Variants in RPTOR observed in about 807,000 individuals in gnomAD.
RPTOR encodes regulatory associated protein of MTOR complex 1, also known as regulatory-associated protein of mTOR.
Under a neutral mutation model 169.9 loss-of-function variants are expected in RPTOR, and 21 were observed. The observed-to-expected ratio is 0.12, with a 90% CI of 0.09 to 0.18. The LOEUF is 0.18. Among genes scored for constraint, RPTOR ranks in the 10% least tolerant of loss-of-function variants. The probability of loss-of-function intolerance (pLI) is 1.00; values close to 1 mark genes in which losing one functional copy is unlikely to be tolerated. For synonymous variants in RPTOR, 732 were observed against 753.2 expected (o/e 0.97, Z 0.46); for missense variants, 1,133 against 1,855.9 (o/e 0.61, Z 7.16).
Position 80,871,302 on chromosome 17 carries a change from A to G in RPTOR, c.1510-9113A>G, listed in dbSNP as rs536991961. ...TTTGTATTTTGTTTAGTAGAGACGC[A>G]GTTTCACCATGTTAGTCAGGATGGT... is the stretch of plus-strand genomic sequence containing the variant. On this transcript the variant is annotated intron_variant, in intron 13 of 33. Transcript: ENST00000306801. 1.1e-4 allele frequency among the ~76,000 whole-genome samples: 17 copies of G among 152,198 alleles called. 1 individual carries two copies. In the South Asian group the frequency reaches 3.5e-3, roughly 32 times the overall value.
chr17:80,834,618 C>T (rs1165107290), intron 9 of RPTOR, among the ~76,000 whole-genome samples: 7 of 152,240 alleles, frequency 4.6e-5, no homozygotes, highest in African/African-American at 1.7e-4. Context: ...ACTGCAGCAA[C>T]ATGGGTCACG....
intron 6 of RPTOR, among the ~76,000 whole-genome samples, chr17:80,775,687 T>A (rs1235003835): frequency 6.6e-6 from 1 of 152,186 alleles, no homozygotes; most frequent in East Asian, 1.9e-4. Context: ...GAAATAGCCA[T>A]CATTGTAAGA....
At chr17:80,929,132 A>G (rs977599262) in intron 24 of RPTOR, among the ~76,000 whole-genome samples, 1 of 152,250 alleles carries the variant, frequency 6.6e-6, no homozygotes, top group Admixed American at 6.5e-5. Context: ...GAGTTAATTT[A>G]AAATGATGGA....
At chr17:80,937,770 T>C (rs1221843258) in intron 24 of RPTOR, among the ~76,000 whole-genome samples, 1 of 152,236 alleles carries the variant, frequency 6.6e-6, no homozygotes, top group Non-Finnish European at 1.5e-5. Context: ...GCCTCCGTGC[T>C]GAGCGGCGGT....
intron 3 of RPTOR, among the ~76,000 whole-genome samples, chr17:80,674,047 C>T (rs533807731): frequency 6.6e-6 from 1 of 152,248 alleles, no homozygotes; most frequent in African/African-American, 2.4e-5. Context: ...TGGTGCATTG[C>T]CCCCATCAAC....
At chr17:80,566,893 A>T (rs55719852) in intron 1 of RPTOR, among the ~76,000 whole-genome samples, 5 of 150,704 alleles carry the variant, frequency 3.3e-5, no homozygotes, top group Admixed American at 1.3e-4. Context: ...AAACTTCTGC[A>T]TGATTATTTT....
At chr17:80,747,985 C>T (rs79725661) in intron 5 of RPTOR, among the ~76,000 whole-genome samples, 3 of 137,818 alleles carry the variant, frequency 2.2e-5, no homozygotes, top group South Asian at 2.1e-4. Context: ...GTTTGGAGGC[C>T]GTGGCGGGAG....
chr17:80,925,328 G>C, intron 23 of RPTOR, 42 bp from the exon 24 acceptor site: 1 of 1,540,582 alleles, frequency 6.5e-7, no homozygotes, highest in Non-Finnish European at 9.0e-7. Context: ...TGACTGACTG[G>C]TGTTTCTTTT....
At chr17:80,629,290 G>A (rs7213432) in intron 2 of RPTOR, among the ~76,000 whole-genome samples, 118,687 of 126,482 alleles carry the variant, frequency 0.94, 55,643 homozygotes, top group East Asian at 0.99. Context: ...ATTGTACCGC[G>A]GCTCTTCCGT....
At chr17:80,795,103 G>A (rs2067088084) in intron 7 of RPTOR, among the ~76,000 whole-genome samples, 2 of 152,228 alleles carry the variant, frequency 1.3e-5, no homozygotes. Flanking sequence ...TGAGCAGGCC[G>A]GAGAGTGCAG....
At chr17:80,584,603 C>T (rs563717227) in intron 1 of RPTOR, among the ~76,000 whole-genome samples, 1 of 152,178 alleles carries the variant, frequency 6.6e-6, no homozygotes, top group Non-Finnish European at 1.5e-5. Context: ...CAGAGAAAGT[C>T]CTTTTCCTGT....
intron 7 of RPTOR, among the ~76,000 whole-genome samples, chr17:80,805,901 A>C (rs2067213808): frequency 1.3e-5 from 2 of 151,954 alleles, no homozygotes; most frequent in African/African-American, 2.4e-5. Context: ...TGTAATATTA[A>C]CTCTGCTTAC....
At chr17:80,753,915 T>G in intron 5 of RPTOR, 95 bp from the exon 6 acceptor site, 2 of 1,163,288 alleles carry the variant, frequency 1.7e-6, no homozygotes, top group Non-Finnish European at 2.5e-6. Context: ...CTGAGTTGAT[T>G]TATTCTTTCC....
At chr17:80,792,484 C>A (rs183488639) in intron 7 of RPTOR, among the ~76,000 whole-genome samples, 5 of 152,240 alleles carry the variant, frequency 3.3e-5, no homozygotes, top group African/African-American at 1.2e-4. Flanking sequence ...GTGTGGCCAA[C>A]AGGAAGGCCG....
At chr17:80,587,804 C>T (rs2065074094) in intron 1 of RPTOR, among the ~76,000 whole-genome samples, 1 of 151,046 alleles carries the variant, frequency 6.6e-6, no homozygotes, top group East Asian at 1.9e-4. Flanking sequence ...AGACCATTTG[C>T]AATCTCTTTG....
At chr17:80,603,576 G>T (rs964320407) in intron 1 of RPTOR, among the ~76,000 whole-genome samples, 1 of 152,184 alleles carries the variant, frequency 6.6e-6, no homozygotes, top group Non-Finnish European at 1.5e-5. Context: ...GTACTCACAG[G>T]ACTCAGGATC....
chr17:80,893,918 C>G, intron 20 of RPTOR, 53 bp downstream of exon 20: 2 of 1,491,012 alleles, frequency 1.3e-6, no homozygotes, highest in Non-Finnish European at 1.8e-6. Flanking sequence ...GTCTCCTCCC[C>G]ACACAGAGCA....
chr17:80,853,854 G>A (rs1384206828), intron 11 of RPTOR, among the ~76,000 whole-genome samples: 1 of 152,040 alleles, frequency 6.6e-6, no homozygotes, highest in Non-Finnish European at 1.5e-5. Context: ...GGTGGCAGGC[G>A]CTTGTAGTCT....
intron 11 of RPTOR, among the ~76,000 whole-genome samples, chr17:80,847,708 G>T (rs2067747910): frequency 6.6e-6 from 1 of 152,196 alleles, no homozygotes; most frequent in Admixed American, 6.5e-5. Flanking sequence ...GGCAGAGTTG[G>T]GTCCTCGCCT....
Sources: gnomAD v4.1 joint callset for allele counts (sites outside exome capture counted in the v4.1 genomes callset) on GRCh38, gnomAD v4.1.1 for gene constraint, MANE v1.5 for transcripts, NCBI Gene and HGNC (gene_info 2026-07-23, HGNC 2026-07-21) for gene names.